Variants in YIPF2 observed in about 807,000 individuals in gnomAD.
The protein encoded by YIPF2 is protein YIPF2.
Under a neutral mutation model 38.8 loss-of-function variants are expected in YIPF2, and 30 were observed. The ratio of observed to expected loss-of-function variants is 0.77; its 90% CI spans 0.58 to 1.05. YIPF2 has a LOEUF of 1.05. Ranked by LOEUF, YIPF2 falls within the 50% of genes least tolerant of loss-of-function variation. The probability of loss-of-function intolerance (pLI) is 0.00; values close to 1 mark genes in which losing one functional copy is unlikely to be tolerated. For synonymous variants in YIPF2, 194 were observed against 183.8 expected (o/e 1.06, Z -0.45); for missense variants, 401 against 409.7 (o/e 0.98, Z 0.18).
Position 10,923,970 on chromosome 19 carries a change from A to T in YIPF2, c.514T>A (p.Tyr172Asn). 6.2e-7 allele frequency: 1 copy of T among 1,613,460 alleles called. No individual in the cohort carries two copies. The highest frequency in any genetic ancestry group is 1.7e-5 in the Admixed American group (1 of 59,966). The change falls in exon 7 of 10, where the codon TAT becomes AAT. Residue 172 changes from tyrosine (Y) to asparagine (N), a missense_variant. Tyr to Asn is a moderately radical substitution (Grantham distance 143). Coordinates refer to ENST00000586748, the MANE Select transcript of YIPF2 (RefSeq NM_001321439.2). ...VTVAGISIYC[Y>N]AWLVPLALWG... ...AGGGCCAGGGGCACCAGCCACGCAT[A>T]GCAGTAGATGCTGATGCCTGCCACG...
chr19:10,922,966 GC>G lies in YIPF2; in HGVS notation c.*227del. 1 of 223,082 alleles carries G rather than the reference GC, an allele frequency of 4.5e-6. No individual in the cohort carries two copies. Among genetic ancestry groups the G allele is most frequent in the East Asian group, 1.4e-4 (1 of 6,944 alleles). 13.8% of individuals were successfully genotyped at this position (223,082 alleles called of 1,614,324 possible). ...CAGGTGGCCCGGGGGGGATATGGGG[GC>G]CCCAGCCCTGTCCCAAAGCTCCCTG... On this transcript the variant is annotated 3_prime_UTR_variant, in exon 10 of 10. Coordinates refer to ENST00000586748, the MANE Select transcript of YIPF2 (RefSeq NM_001321439.2).
In YIPF2 at chr19:10,922,487, G is replaced by A. The variant is rs768522571; in HGVS notation, c.*707C>T. 1.0e-5 allele frequency: 1 copy of A among 100,454 alleles called. No individual in the cohort carries two copies. The highest frequency in any genetic ancestry group is 1.9e-5 in the Non-Finnish European group (1 of 53,556). The allele number at this position is 100,454 out of a possible 1,614,324, so 6.2% of individuals were successfully genotyped here. Reference sequence around the variant, plus strand: ...TCCCCCCCCGCCCCCCCACTCAAGAGTTAGAGCAGGTGGCTGCAGGCCTTG... The same window carrying A: ...TCCCCCCCCGCCCCCCCACTCAAGAATTAGAGCAGGTGGCTGCAGGCCTTG... On this transcript the variant is annotated 3_prime_UTR_variant, in exon 10 of 10. Transcript: ENST00000586748.
intron 4 of YIPF2, among the ~76,000 whole-genome samples, chr19:10,927,199 G>A (rs150861029): frequency 1.3e-5 from 2 of 152,220 alleles, no homozygotes; most frequent in Non-Finnish European, 2.9e-5. Context: ...GGTAGAGACG[G>A]GGTTTCCCCA....
At position 10,925,410 on chromosome 19, in the gene YIPF2, C is replaced by A. The variant is rs1392078039; in HGVS notation, c.367+276G>T. Among the ~76,000 whole-genome samples the A allele has an allele frequency of 5.3e-5, 8 of 152,012 alleles. No homozygotes were observed. In the East Asian group the frequency reaches 1.3e-3, roughly 26 times the overall value. On this transcript the variant is annotated intron_variant, in intron 5 of 9. Transcript: ENST00000586748. ...GGAAGCCTCTTTTCCTAGGTCTCCCCCACCCCTCCTGTTGCCAACAAGGCT... is the reference window on the plus strand; with the variant it reads ...GGAAGCCTCTTTTCCTAGGTCTCCCACACCCCTCCTGTTGCCAACAAGGCT...
At chr19:10,927,504 T>C in intron 4 of YIPF2, 126 bp downstream of exon 4, 1 of 1,237,332 alleles carries the variant, frequency 8.1e-7, no homozygotes, top group Non-Finnish European at 1.1e-6. Flanking sequence ...AGTCCCACCA[T>C]AACCCTTTGA....
rs200375075 is a variant in YIPF2 at position 10,923,377 on chromosome 19, T to G, written c.865A>C (p.Asn289His). 1.9e-5 allele frequency: 30 copies of G among 1,613,526 alleles called. No individual in the cohort carries two copies. The Admixed American group carries it at 4.8e-4, about 26-fold the overall frequency. ...LYFFQSLPPE[N>H]VAPPPQITSL... is the part of the protein sequence containing the mutation. ...GTGATTTGGGGTGGAGGAGCCACGT[T>G]CTCCGGAGGCAGCGACTGGAAGAAG... is the stretch of plus-strand genomic sequence containing the variant. Residue 289 changes from asparagine to histidine, a missense_variant, in exon 9 of 10, where the codon AAC becomes CAC. By Grantham distance (68) the Asn-to-His change is moderately conservative. Coordinates refer to ENST00000586748, the MANE Select transcript of YIPF2 (RefSeq NM_001321439.2).
At chr19:10,925,904 T>A in intron 4 of YIPF2, 131 bp from the exon 5 acceptor site, 73 of 577,826 alleles carry the variant, frequency 1.3e-4, no homozygotes, top group Non-Finnish European at 1.8e-4. Flanking sequence ...CCTTTCCCTC[T>A]CTTTTTTTTT....
chr19:10,924,456 ACT>A (rs2083387250), intron 5 of YIPF2, among the ~76,000 whole-genome samples: 1 of 150,610 alleles, frequency 6.6e-6, no homozygotes, highest in Non-Finnish European at 1.5e-5. Flanking sequence ...CTCCTCTTTG[ACT>A]CTCTGACCCC....
In YIPF2 at chr19:10,924,112, CCCT is replaced by C. The variant is rs1219384884; in HGVS notation, c.445_447del (p.Arg149del). The C allele has an allele frequency of 1.2e-6, 2 of 1,613,616 alleles. No individual in the cohort carries two copies. Among genetic ancestry groups the C allele is most frequent in the African/African-American group, 2.7e-5 (2 of 74,886 alleles). ...TGGGGGCTGTAGTGGATGGAGGGGT[CCCT>C]CCTCTGGGCCAGCACCAGCGTCAGG... is the stretch of plus-strand genomic sequence containing the variant. On this transcript the variant is annotated inframe_deletion, in exon 6 of 10. Coordinates refer to ENST00000586748, the MANE Select transcript of YIPF2 (RefSeq NM_001321439.2).
At position 10,923,362 on chromosome 19, in the gene YIPF2, G is replaced by A. The variant is rs1451520065; in HGVS notation, c.880C>T (p.Pro294Ser). The change falls in exon 9 of 10, where the codon CCC becomes TCC. Residue 294 changes from proline to serine, a missense_variant. Pro to Ser is a moderately conservative substitution (Grantham distance 74). Transcript: ENST00000586748. Reference protein sequence around the residue: ...SLPPENVAPPPQITSLPSNIA... With the variant: ...SLPPENVAPPSQITSLPSNIA... Reference sequence around the variant, plus strand: ...TTTGAGGGCAGAGATGTGATTTGGGGTGGAGGAGCCACGTTCTCCGGAGGC... The same window carrying A: ...TTTGAGGGCAGAGATGTGATTTGGGATGGAGGAGCCACGTTCTCCGGAGGC... 1.2e-6 allele frequency: 2 copies of A among 1,613,552 alleles called. No homozygotes were observed. Among genetic ancestry groups the A allele is most frequent in the Non-Finnish European group, 1.7e-6 (2 of 1,179,746 alleles).
chr19:10,926,068 G>A (rs1334385423), intron 4 of YIPF2, among the ~76,000 whole-genome samples: 1 of 150,056 alleles, frequency 6.7e-6, no homozygotes, highest in Non-Finnish European at 1.5e-5. Context: ...GTGCCACCAC[G>A]CCTGGCTAAT....
rs1311255203 is a variant in YIPF2, at chr19:10,923,550, G to T, written c.779C>A (p.Thr260Lys). 1 of 1,612,594 alleles carries T rather than the reference G, an allele frequency of 6.2e-7. No individual in the cohort carries two copies. The change falls in exon 8 of 10, where the codon ACA (threonine) becomes AAA (lysine). Residue 260 changes from threonine to lysine, a missense_variant. Transcript: ENST00000586748. Reference sequence around the variant, plus strand: ...CAGCACGACCACGGACAGCAGCACTGTGGCCACCAGCCTGGTGTCCTCACG... The same window carrying T: ...CAGCACGACCACGGACAGCAGCACTTTGGCCACCAGCCTGGTGTCCTCACG... ...VVREDTRLVA[T>K]VLLSVVVLLH...
chr19:10,924,192 C>A lies in YIPF2; in HGVS notation c.368G>T (p.Gly123Val), dbSNP rs1202171701. 5 of 1,609,848 alleles carry A rather than the reference C, an allele frequency of 3.1e-6. No individual in the cohort carries two copies. The highest frequency in any genetic ancestry group is 4.2e-6 in the Non-Finnish European group (5 of 1,179,698). Residue 123 changes from glycine to valine, a missense_variant and splice_region_variant, in exon 6 of 10, where the codon GGC becomes GTC. Physicochemically the swap from Gly to Val is moderately radical, Grantham distance 109. Coordinates refer to ENST00000586748, the MANE Select transcript of YIPF2 (RefSeq NM_001321439.2). ...HHLRNRPDLY[G>V]PFWICATLAF... Reference sequence around the variant, plus strand: ...CAACGTGGCACAGATCCAGAAGGGGCCTGGGGGTAGGGGGCACAGTCAGGG... The same window carrying A: ...CAACGTGGCACAGATCCAGAAGGGGACTGGGGGTAGGGGGCACAGTCAGGG...
chr19:10,922,619 AGC>A lies in YIPF2; in HGVS notation c.*573_*574del, dbSNP rs2074275928. 2 of 152,208 alleles carry A rather than the reference AGC, an allele frequency of 1.3e-5. No homozygotes were observed. Among genetic ancestry groups the A allele is most frequent in the Admixed American group, 6.5e-5 (1 of 15,268 alleles). The allele number at this position is 152,208 out of a possible 1,614,324, so 9.4% of individuals were successfully genotyped here. On this transcript the variant is annotated 3_prime_UTR_variant, in exon 10 of 10. Transcript: ENST00000586748. ...CTTGTAGCTAACGTTAGGCCTGAGT[AGC>A]TCCCCTCCATCCTTGTAGACGCTCC...
chr19:10,926,081 T>G (rs1381528786), intron 4 of YIPF2, among the ~76,000 whole-genome samples: 2 of 151,342 alleles, frequency 1.3e-5, no homozygotes, highest in African/African-American at 4.9e-5. Flanking sequence ...TGGCTAATAG[T>G]TGTATTTTTA....
intron 4 of YIPF2, among the ~76,000 whole-genome samples, chr19:10,926,676 G>GCTCCCA (rs2083430876): frequency 6.7e-6 from 1 of 150,248 alleles, no homozygotes; most frequent in Non-Finnish European, 1.5e-5. Flanking sequence ...ACAGGTGTGT[G>GCTCCCA]CCACCATGCC....
rs2074304879 is a variant in YIPF2, at chr19:10,923,549, T to C, written c.780A>G (p.Thr260=). 6.2e-7 allele frequency: 1 copy of C among 1,612,632 alleles called. No individual in the cohort carries two copies. ...VVREDTRLVA[T]VLLSVVVLLH... is the part of the protein sequence containing the mutation. ...GCAGCACGACCACGGACAGCAGCAC[T>C]GTGGCCACCAGCCTGGTGTCCTCAC... Residue 260 remains threonine (T), a synonymous_variant, in exon 8 of 10, where the codon ACA becomes ACG. Coordinates refer to ENST00000586748, the MANE Select transcript of YIPF2 (RefSeq NM_001321439.2).
chr19:10,924,499 C>T (rs2083387976), intron 5 of YIPF2, among the ~76,000 whole-genome samples: 2 of 152,132 alleles, frequency 1.3e-5, no homozygotes, highest in Admixed American at 1.3e-4. Context: ...AGGCCCAGTT[C>T]TTGGCCCCTT....
At position 10,928,514 on chromosome 19, in the gene YIPF2, G is replaced by A. The variant is rs1339122758; in HGVS notation, c.-34C>T. ...GTCCCTCGGCCCCCAGCCCTACCTG[G>A]CGACCAACTGCACCCACGGAGGCTT... On this transcript the variant is annotated 5_prime_UTR_variant, in exon 1 of 10. Transcript: ENST00000586748. 3 of 1,306,240 alleles carry A rather than the reference G, an allele frequency of 2.3e-6. No individual in the cohort carries two copies. In the East Asian group the frequency reaches 9.3e-5, roughly 41 times the overall value. The allele number at this position is 1,306,240 out of a possible 1,614,324, so 80.9% of individuals were successfully genotyped here.
Sources: gnomAD v4.1 joint callset for allele counts (sites outside exome capture counted in the v4.1 genomes callset) on GRCh38, gnomAD v4.1.1 for gene constraint, MANE v1.5 for transcripts, NCBI Gene and HGNC (gene_info 2026-07-23, HGNC 2026-07-21) for gene names.